The following SKOR2 variants were observed in gnomAD, a reference collection of about 807,000 sequenced individuals.
SKOR2 encodes the protein SKI family transcriptional corepressor 2, also known as LBX1 corepressor 1-like protein.
Under a neutral mutation model 69.1 loss-of-function variants are expected in SKOR2, and 47 were observed. The observed-to-expected ratio is 0.68, with a 90% CI of 0.54 to 0.87. The LOEUF (loss-of-function observed/expected upper bound fraction) is 0.87, where lower values mean the gene tolerates loss of function less well. Among genes scored for constraint, SKOR2 ranks in the 40% least tolerant of loss-of-function variants. The pLI is 0.00. For missense variants in SKOR2, 1,404 were observed against 1,472.2 expected (o/e 0.95, Z 0.76); for synonymous variants, 717 against 672.6 (o/e 1.07, Z -1.02).
At chr18:47,215,917 T>C (rs543502783) in intron 7 of SKOR2, among the ~76,000 whole-genome samples, 1 of 152,294 alleles carries the variant, frequency 6.6e-6, no homozygotes. Context: ...AAATCTACAG[T>C]AGTAGCTTAT....
rs1178356046 is a variant in SKOR2, at chr18:47,246,732, TGGA to T, written c.2449_2451del (p.Ser817del). ...AGTTTCCCGTCTTCCTGCAGCAGCC[TGGA>T]GGAGTTCAGGCCGAGCGGGAACGCG... On this transcript the variant is annotated inframe_deletion, in exon 2 of 9. Coordinates refer to ENST00000425639, the MANE Select transcript of SKOR2 (RefSeq NM_001278063.4). 117 of 1,434,856 alleles carry T rather than the reference TGGA, an allele frequency of 8.2e-5. 4 individuals are homozygous for T. Among genetic ancestry groups the T allele is most frequent in the Middle Eastern group, 2.0e-4 (1 of 5,024 alleles). The allele number at this position is 1,434,856 out of a possible 1,614,324, so 88.9% of individuals were successfully genotyped here. A position where few individuals can be genotyped will look rare whatever the true frequency, so the allele number is the denominator to read the frequency against.
intron 2 of SKOR2, 132 bp from the exon 3 acceptor site, chr18:47,245,693 T>C: frequency 1.4e-6 from 1 of 735,092 alleles, no homozygotes; most frequent in South Asian, 2.4e-5. Flanking sequence ...TTTTGACGAT[T>C]ATTCTTTGAA....
At chr18:47,242,017 G>A (rs2064251116) in intron 4 of SKOR2, among the ~76,000 whole-genome samples, 1 of 152,128 alleles carries the variant, frequency 6.6e-6, no homozygotes. Context: ...TATGAACACC[G>A]ATCCTGACTG....
At position 47,248,306 on chromosome 18, in the gene SKOR2, G is replaced by A; in HGVS notation, c.878C>T (p.Pro293Leu). 1 of 1,205,916 alleles carries A rather than the reference G, an allele frequency of 8.3e-7. No individual in the cohort carries two copies. Among genetic ancestry groups the A allele is most frequent in the East Asian group, 3.5e-5 (1 of 28,756 alleles). The allele number at this position is 1,205,916 out of a possible 1,614,324, so 74.7% of individuals were successfully genotyped here. Reference protein sequence around the residue: ...GAPPPPPPPPPPLAELAGAPH... With the variant: ...GAPPPPPPPPLPLAELAGAPH... ...GGCACCAGCCAGCTCTGCCAAGGGC[G>A]GCGGTGGCGGCGGCGGCGGCGGGGG... The change falls in exon 2 of 9, where the codon CCG becomes CTG. Residue 293 changes from proline to leucine, a missense_variant. Pro to Leu is a moderately conservative substitution (Grantham distance 98, BLOSUM62 -3). This residue lies in a region of SKOR2 where 1,266 missense variants were observed against 1,309.9 expected (regional missense o/e 0.97). Coordinates refer to ENST00000425639, the MANE Select transcript of SKOR2 (RefSeq NM_001278063.4). The surrounding 1 kb of genome is among the most constrained non-coding windows in gnomAD (Gnocchi z 6.4).
At chr18:47,249,868 A>G (rs2064305187) in intron 1 of SKOR2, among the ~76,000 whole-genome samples, 1 of 152,208 alleles carries the variant, frequency 6.6e-6, no homozygotes. Context: ...AAAGGTGAAA[A>G]ATGTACAAAG....
Position 47,211,501 on chromosome 18 carries a change from T to A in SKOR2, c.*3+585A>T, listed in dbSNP as rs2064127791. Among the ~76,000 whole-genome samples, 5 of 152,354 alleles carry A rather than the reference T, an allele frequency of 3.3e-5. No individual in the cohort carries two copies. In the South Asian group the frequency reaches 8.3e-4, roughly 25 times the overall value. On this transcript the variant is annotated intron_variant, in intron 8 of 8. Transcript: ENST00000425639. Reference sequence around the variant, plus strand: ...CCATTGAATTTTCACTGTCTGCTTTTCCTTAAGAGTCCAAAATAATTGTCT... The same window carrying A: ...CCATTGAATTTTCACTGTCTGCTTTACCTTAAGAGTCCAAAATAATTGTCT...
In SKOR2 at chr18:47,247,070, G is replaced by A. The variant is rs2064279361; in HGVS notation, c.2114C>T (p.Pro705Leu). ...GTGGTGCGGGTGCTGGGCCAGAGGG[G>A]GCGGCGGGGGCGGCGGCGGCGGCGG... ...PPPPPPPPPP[P>L]PLAQHPHHRG... Residue 705 changes from proline (P) to leucine (L), a missense_variant, in exon 2 of 9, where the codon CCC becomes CTC. Transcript: ENST00000425639. This position sits in a 1 kb window ranked among gnomAD's most constrained non-coding sequence, Gnocchi z 6.6. 7.2e-7 allele frequency: 1 copy of A among 1,390,536 alleles called. No individual in the cohort carries two copies. The highest frequency in any genetic ancestry group is 1.6e-5 in the South Asian group (1 of 61,170). The allele number at this position is 1,390,536 out of a possible 1,614,324, so 86.1% of individuals were successfully genotyped here. A position where few individuals can be genotyped will look rare whatever the true frequency, so the allele number is the denominator to read the frequency against.
chr18:47,233,154 A>C (rs2064206589), intron 4 of SKOR2, among the ~76,000 whole-genome samples: 1 of 152,182 alleles, frequency 6.6e-6, no homozygotes, highest in Non-Finnish European at 1.5e-5. Context: ...TATCCTTGGC[A>C]TCCCTAAGTT....
At chr18:47,214,991 G>GT (rs112915594) in intron 7 of SKOR2, among the ~76,000 whole-genome samples, 14,999 of 117,050 alleles carry the variant, frequency 0.13, 776 homozygotes, top group Non-Finnish European at 0.15. Flanking sequence ...AAGTACTGGA[G>GT]TTTAAAAAAA....
At position 47,248,701 on chromosome 18, in the gene SKOR2, G is replaced by A. The variant is rs1227061143; in HGVS notation, c.483C>T (p.Pro161=). ...TGGCGCGCGAGCTGTTGTAGCGCGC[G>A]GGAATGAAGCTGCCGCGGCAGCCCC... ...CAWGCRGSFI[P]ARYNSSRAKC... Residue 161 remains proline, a synonymous_variant, in exon 2 of 9, where the codon CCC becomes CCT. Coordinates refer to ENST00000425639, the MANE Select transcript of SKOR2 (RefSeq NM_001278063.4). This position sits in a 1 kb window ranked among gnomAD's most constrained non-coding sequence, Gnocchi z 6.4. 2 of 1,563,080 alleles carry A rather than the reference G, an allele frequency of 1.3e-6. No homozygotes were observed. The highest frequency in any genetic ancestry group is 2.3e-5 in the South Asian group (2 of 86,328).
Position 47,249,200 on chromosome 18 carries a change from C to G in SKOR2, c.-17G>C, listed in dbSNP as rs75440550. On this transcript the variant is annotated 5_prime_UTR_variant, in exon 2 of 9. Coordinates refer to ENST00000425639, the MANE Select transcript of SKOR2 (RefSeq NM_001278063.4). ...GGAAGCCATCTCCGCCGCAGAACCC[C>G]GGGCCGAGCCCTACAGGTCTGCCTT... 1.4e-3 allele frequency: 2,210 copies of G among 1,530,390 alleles called. 22 individuals are homozygous for G. In the African/African-American group the frequency reaches 0.027, roughly 19 times the overall value. 94.8% of individuals were successfully genotyped at this position (1,530,390 alleles called of 1,614,324 possible).
intron 4 of SKOR2, among the ~76,000 whole-genome samples, chr18:47,238,025 C>T (rs771462566): frequency 6.6e-6 from 1 of 152,086 alleles, no homozygotes; most frequent in Non-Finnish European, 1.5e-5. Context: ...CTTGTCTTGG[C>T]TGTCTCCCTT....
intron 5 of SKOR2, 80 bp downstream of exon 5, chr18:47,230,855 G>T (rs7236105): frequency 0.43 from 601,557 of 1,399,404 alleles, 132,556 homozygotes; most frequent in Middle Eastern, 0.48. Context: ...AAATATGGTG[G>T]AGAACAAAAA....
Position 47,249,070 on chromosome 18 carries a change from G to T in SKOR2, c.114C>A (p.Pro38=). ...AGAGGATCACCTGGCCCACCTGGTT[G>T]GGTTTGAGGTTGGCGTGCCCTGGCC... ...QPRPGHANLK[P]NQVGQVILYG... The change falls in exon 2 of 9, where the codon CCC becomes CCA. Residue 38 remains proline (P), a synonymous_variant. Transcript: ENST00000425639. 2.0e-6 allele frequency: 3 copies of T among 1,536,880 alleles called. No homozygotes were observed. The highest frequency in any genetic ancestry group is 2.6e-6 in the Non-Finnish European group (3 of 1,147,100).
At chr18:47,237,283 A>G (rs2064228197) in intron 4 of SKOR2, among the ~76,000 whole-genome samples, 1 of 152,250 alleles carries the variant, frequency 6.6e-6, no homozygotes, top group Non-Finnish European at 1.5e-5. Context: ...TTCTCATCTG[A>G]CATTTTGAAA....
chr18:47,231,333 T>C (rs2064197483), intron 4 of SKOR2, among the ~76,000 whole-genome samples: 1 of 152,132 alleles, frequency 6.6e-6, no homozygotes, highest in Admixed American at 6.5e-5. Flanking sequence ...GTCTGGATAG[T>C]CAAGATTTCT....
rs2144515519 is a variant in SKOR2 at position 47,247,048 on chromosome 18, G to C, written c.2136C>G (p.His712Gln). The change falls in exon 2 of 9, where the codon CAC becomes CAG. Residue 712 changes from histidine to glutamine, a missense_variant. Physicochemically the swap from His to Gln is conservative, Grantham distance 24. Transcript: ENST00000425639. The surrounding 1 kb of genome is among the most constrained non-coding windows in gnomAD (Gnocchi z 6.6). ...PPPPPLAQHPHHRGLLSPGGT... is the reference protein window; with the variant it reads ...PPPPPLAQHPQHRGLLSPGGT... ...CCCCGGGAGACAGAAGGCCTCGGTG[G>C]TGCGGGTGCTGGGCCAGAGGGGGCG... is the stretch of plus-strand genomic sequence containing the variant. 6.8e-7 allele frequency: 1 copy of C among 1,479,172 alleles called. No individual in the cohort carries two copies. Among genetic ancestry groups the C allele is most frequent in the Admixed American group, 2.3e-5 (1 of 44,194 alleles). 91.6% of individuals were successfully genotyped at this position (1,479,172 alleles called of 1,614,324 possible).
At chr18:47,213,099 T>C (rs1349011518) in intron 7 of SKOR2, among the ~76,000 whole-genome samples, 7 of 152,128 alleles carry the variant, frequency 4.6e-5, no homozygotes, top group Non-Finnish European at 1.0e-4. Flanking sequence ...ACAGTTGGTA[T>C]GCTACTTTTC....
At chr18:47,234,881 G>C (rs1157518149) in intron 4 of SKOR2, among the ~76,000 whole-genome samples, 1 of 96,034 alleles carries the variant, frequency 1.0e-5, no homozygotes, top group Admixed American at 1.0e-4. Flanking sequence ...AAAAAGAGAG[G>C]GGGTGGGGGG....
Sources: gnomAD v4.1 joint callset for allele counts (sites outside exome capture counted in the v4.1 genomes callset) on GRCh38, gnomAD v4.1.1 for gene constraint, gnomAD v4.1.1 regional missense constraint, Gnocchi (gnomAD v3.1) non-coding constraint, MANE v1.5 for transcripts, NCBI Gene and HGNC (gene_info 2026-07-23, HGNC 2026-07-21) for gene names.